STAG1: variants seen among roughly 807,000 people sequenced by gnomAD.
STAG1 encodes STAG1 cohesin complex component, also known as cohesin subunit SA-1.
STAG1 carries 26 observed loss-of-function variants against 170.9 expected under a neutral mutation model. That is an observed-to-expected ratio of 0.15 (90% CI 0.11 to 0.21). The LOEUF is 0.21. Ranked by LOEUF, STAG1 falls within the 10% of genes least tolerant of loss-of-function variation. The pLI is 1.00. For synonymous variants in STAG1, 514 were observed against 497.7 expected (o/e 1.03, Z -0.44); for missense variants, 964 against 1,509.5 (o/e 0.64, Z 5.99).
At chr3:136,530,933 C>G (rs58636237) in intron 6 of STAG1, among the ~76,000 whole-genome samples, 25,510 of 151,980 alleles carry the variant, frequency 0.17, 3,538 homozygotes, top group African/African-American at 0.39. Flanking sequence ...TGGTAAACTC[C>G]GTCTCTACTA....
chr3:136,588,983 G>A (rs541725285), intron 4 of STAG1, among the ~76,000 whole-genome samples: 17 of 152,134 alleles, frequency 1.1e-4, no homozygotes, highest in African/African-American at 3.1e-4. Context: ...TGCTAATCTC[G>A]AACTCCTGAC....
chr3:136,705,805 A>G (rs192080468), intron 1 of STAG1, among the ~76,000 whole-genome samples: 169 of 152,294 alleles, frequency 1.1e-3, no homozygotes, highest in Middle Eastern at 0.01. Flanking sequence ...TGTCTTTATT[A>G]GCAGTGTGAG....
intron 1 of STAG1, among the ~76,000 whole-genome samples, chr3:136,637,054 C>T (rs776621578): frequency 2.0e-5 from 3 of 152,166 alleles, no homozygotes; most frequent in Non-Finnish European, 2.9e-5. Context: ...GTGCAAACTC[C>T]GCACAATGGC....
intron 1 of STAG1, among the ~76,000 whole-genome samples, chr3:136,649,392 T>C (rs757724525): frequency 6.6e-6 from 1 of 151,464 alleles, no homozygotes; most frequent in Non-Finnish European, 1.5e-5. Flanking sequence ...GGCATGAGAA[T>C]TGCTTGAACC....
intron 21 of STAG1, among the ~76,000 whole-genome samples, chr3:136,413,971 T>G (rs971547388): frequency 4.9e-4 from 75 of 152,188 alleles, no homozygotes; most frequent in African/African-American, 1.8e-3. Flanking sequence ...GCAATAGCAT[T>G]ATGTCTGAAA....
chr3:136,613,741 G>A (rs905136788), intron 3 of STAG1, among the ~76,000 whole-genome samples: 8 of 152,094 alleles, frequency 5.3e-5, no homozygotes, highest in Admixed American at 4.6e-4. Flanking sequence ...CCCCGCCTTG[G>A]CTTCCCAAAG....
intron 7 of STAG1, among the ~76,000 whole-genome samples, chr3:136,515,298 G>A (rs1400951668): frequency 6.6e-6 from 1 of 152,190 alleles, no homozygotes; most frequent in Non-Finnish European, 1.5e-5. Flanking sequence ...TCAGGAGGGG[G>A]AGGTTGCAGG....
intron 5 of STAG1, among the ~76,000 whole-genome samples, chr3:136,545,472 T>C (rs1260806589): frequency 2.6e-5 from 4 of 152,146 alleles, no homozygotes; most frequent in Non-Finnish European, 4.4e-5. Flanking sequence ...TGAGTCAGGA[T>C]AGGAGAAGAA....
At chr3:136,479,135 G>A (rs2089850855) in intron 9 of STAG1, among the ~76,000 whole-genome samples, 1 of 140,270 alleles carries the variant, frequency 7.1e-6, no homozygotes, top group Non-Finnish European at 1.5e-5. Context: ...GTGCAGGTTA[G>A]TTACATATGT....
In STAG1 at chr3:136,422,483, T is replaced by G; in HGVS notation, c.1964A>C (p.Asp655Ala). Residue 655 changes from aspartate (D) to alanine (A), a missense_variant, in exon 19 of 34, where the codon GAC (aspartate) becomes GCC (alanine). Around this residue, in one of 11 missense-constraint regions of STAG1, gnomAD observed 232 missense variants for 313.0 expected, o/e 0.74. Transcript: ENST00000383202. ...ATCAATCAGCTGGCTTCGAGCTATG[T>G]CAACTCTGTTCTGGATGGTATATTC... ...SEEYTIQNRV[D>A]IARSQLIDEF... 1 of 1,614,100 alleles carries G rather than the reference T, an allele frequency of 6.2e-7. No homozygotes were observed. Among genetic ancestry groups the G allele is most frequent in the South Asian group, 1.1e-5 (1 of 91,084 alleles).
chr3:136,521,319 C>T lies in STAG1; in HGVS notation c.570G>A (p.Gln190=). 1 of 1,613,770 alleles carries T rather than the reference C, an allele frequency of 6.2e-7. No homozygotes were observed. The highest frequency in any genetic ancestry group is 8.5e-7 in the Non-Finnish European group (1 of 1,179,798). The change falls in exon 7 of 34, where the codon CAG becomes CAA. Residue 190 remains glutamine (Q), a synonymous_variant. Coordinates refer to ENST00000383202, the MANE Select transcript of STAG1 (RefSeq NM_005862.3). The stretch of plus-strand genomic sequence containing the variant: ...TATACTCATCATAAATTATGCTATA[C>T]TGACACTGTCGAATCAGGACTCCAA... ...EFIGVLIRQC[Q]YSIIYDEYMM...
chr3:136,344,905 C>T (rs1024762598), intron 29 of STAG1, among the ~76,000 whole-genome samples: 3 of 152,010 alleles, frequency 2.0e-5, no homozygotes, highest in African/African-American at 4.8e-5. Context: ...TGAGCCACCA[C>T]GCCCAGGCTT....
At chr3:136,734,765 C>T (rs1365120742) in intron 1 of STAG1, among the ~76,000 whole-genome samples, 4 of 152,134 alleles carry the variant, frequency 2.6e-5, no homozygotes, top group African/African-American at 7.2e-5. Flanking sequence ...AAGAGAAGAA[C>T]CTACATATTT....
chr3:136,663,542 A>G (rs923998405), intron 1 of STAG1, among the ~76,000 whole-genome samples: 2 of 152,232 alleles, frequency 1.3e-5, no homozygotes, highest in Non-Finnish European at 1.5e-5. Context: ...GGCTTCAGAC[A>G]AGCAATCATG....
intron 6 of STAG1, among the ~76,000 whole-genome samples, chr3:136,541,537 T>TTCACACACACACACACACAC (rs1553743092): frequency 1.1e-3 from 55 of 50,826 alleles, no homozygotes; most frequent in Non-Finnish European, 2.0e-3. Context: ...AAGCTTAACA[T>TTCACACACACACACACACAC]TCACACACAC....
At position 136,737,113 on chromosome 3, in the gene STAG1, T is replaced by C; in HGVS notation, c.-84+15082A>G. The C allele has an allele frequency of 3.5e-6, 3 of 863,936 alleles. No individual in the cohort carries two copies. In the Admixed American group the frequency reaches 5.1e-5, roughly 15 times the overall value. 53.5% of individuals were successfully genotyped at this position (863,936 alleles called of 1,614,324 possible). Reference sequence around the variant, plus strand: ...GAACCAGGACAGGTCAGTCTTTCAATCTGATTTTTTCACGTTAGAACCAAG... The same window carrying C: ...GAACCAGGACAGGTCAGTCTTTCAACCTGATTTTTTCACGTTAGAACCAAG... On this transcript the variant is annotated intron_variant, in intron 1 of 33. Transcript: ENST00000383202.
At chr3:136,470,559 A>G (rs555706187) in intron 12 of STAG1, among the ~76,000 whole-genome samples, 2 of 152,336 alleles carry the variant, frequency 1.3e-5, no homozygotes, top group South Asian at 4.1e-4. Context: ...TAGTTCAACC[A>G]TTGTGGAAGA....
intron 8 of STAG1, among the ~76,000 whole-genome samples, chr3:136,500,986 T>G (rs536897283): frequency 6.6e-6 from 1 of 152,276 alleles, no homozygotes; most frequent in Non-Finnish European, 1.5e-5. Context: ...ATTTACTGTA[T>G]AGTAATATTC....
At chr3:136,638,630 C>T (rs554698958) in intron 1 of STAG1, among the ~76,000 whole-genome samples, 2 of 152,152 alleles carry the variant, frequency 1.3e-5, no homozygotes, top group African/African-American at 4.8e-5. Flanking sequence ...TGGCTGGGTG[C>T]GGTAGCTCGC....
Sources: allele counts gnomAD v4.1 joint callset (sites outside exome capture counted in the v4.1 genomes callset), GRCh38; gene constraint gnomAD v4.1.1; regional missense constraint gnomAD v4.1.1; transcripts MANE v1.5; gene names NCBI Gene and HGNC (gene_info 2026-07-23, HGNC 2026-07-21).